The following CMC2 variants were observed in gnomAD, a reference collection of about 807,000 sequenced individuals.
The protein encoded by CMC2 is C-X9-C motif containing 2.
A neutral mutation model predicts 7.5 loss-of-function variants in CMC2; 5 were observed. The ratio of observed to expected loss-of-function variants is 0.66; its 90% confidence interval spans 0.35 to 1.40. The LOEUF is 1.40. CMC2 is among the 40% of genes most tolerant of loss of function. The pLI is 0.04. For synonymous variants in CMC2, 37 were observed against 31.4 expected (o/e 1.18, Z -0.60); for missense variants, 115 against 92.3 (o/e 1.25, Z -1.01).
intron 2 of CMC2, among the ~76,000 whole-genome samples, chr16:80,987,778 G>A (rs1470622486): frequency 6.6e-6 from 1 of 152,146 alleles, no homozygotes; most frequent in Non-Finnish European, 1.5e-5. Context: ...ACAGACAGGG[G>A]TATTCAGGAA....
Position 80,969,090 on chromosome 16 carries a change from G to A in CMC2, c.*7003C>T, listed in dbSNP as rs1911745027. 1.3e-5 allele frequency: 2 copies of A among 152,202 alleles called. No homozygotes were observed. The highest frequency in any genetic ancestry group is 4.8e-5 in the African/African-American group (2 of 41,452). 9.4% of individuals were successfully genotyped at this position (152,202 alleles called of 1,614,324 possible). A position where few individuals can be genotyped will look rare whatever the true frequency, so the allele number is the denominator to read the frequency against. On this transcript the variant is annotated 3_prime_UTR_variant, in exon 4 of 4. Coordinates refer to ENST00000219400, the MANE Select transcript of CMC2 (RefSeq NM_020188.5). ...ATTGGTAAGTTAAGTGTGTGTGTCA[G>A]AAAGTTACTGGTGGGAAATTCTGGA...
intron 1 of CMC2, among the ~76,000 whole-genome samples, chr16:80,999,731 A>G (rs935250932): frequency 1.3e-5 from 2 of 152,376 alleles, no homozygotes; most frequent in African/African-American, 4.8e-5. Flanking sequence ...CCAATGGAAC[A>G]TAACAGCCCA....
intron 2 of CMC2, among the ~76,000 whole-genome samples, chr16:80,984,665 A>G (rs1055678944): frequency 6.6e-6 from 1 of 152,218 alleles, no homozygotes; most frequent in Non-Finnish European, 1.5e-5. Flanking sequence ...TTGACAACAA[A>G]TAAACATGAC....
chr16:80,978,500 A>C, intron 3 of CMC2: 1 of 590,206 alleles, frequency 1.7e-6, no homozygotes, highest in South Asian at 1.7e-5. Flanking sequence ...AGGCCAATTA[A>C]CCCCAAACCA....
At chr16:80,982,547 C>G (rs1430432640) in intron 2 of CMC2, 2 of 130,848 alleles carry the variant, frequency 1.5e-5, no homozygotes, top group Non-Finnish European at 3.2e-5. Context: ...AAAGTGAATA[C>G]TAGTCTATTT....
rs111669239 is a variant in CMC2 at position 80,967,095 on chromosome 16, G to C, written c.*8998C>G. The C allele has an allele frequency of 3.4e-4, 52 of 152,236 alleles. No homozygotes were observed. The highest frequency in any genetic ancestry group is 1.1e-3 in the African/African-American group (47 of 41,548). 9.4% of individuals were successfully genotyped at this position (152,236 alleles called of 1,614,324 possible). Reference sequence around the variant, plus strand: ...AAAGCATTTATTGAATACCAATTATGTGTTAACCACTGTCCTAAGAGCTGC... The same window carrying C: ...AAAGCATTTATTGAATACCAATTATCTGTTAACCACTGTCCTAAGAGCTGC... On this transcript the variant is annotated 3_prime_UTR_variant, in exon 4 of 4. Transcript: ENST00000219400.
intron 3 of CMC2, among the ~76,000 whole-genome samples, chr16:80,977,529 G>C (rs1468126099): frequency 6.6e-6 from 1 of 152,116 alleles, no homozygotes; most frequent in Non-Finnish European, 1.5e-5. Flanking sequence ...CAGATCTGGA[G>C]AGCGAGGCCA....
Position 80,970,553 on chromosome 16 carries a change from CTATT to C in CMC2, c.*5536_*5539del, listed in dbSNP as rs1271189024. ...CAGTCACAAGAGAAGTCTGATGTAT[CTATT>C]AAACATTATACTGAATGTTCTAAGT... On this transcript the variant is annotated 3_prime_UTR_variant, in exon 4 of 4. Transcript: ENST00000219400. 5.3e-5 allele frequency: 8 copies of C among 152,156 alleles called. No homozygotes were observed. Among genetic ancestry groups the C allele is most frequent in the African/African-American group, 1.7e-4 (7 of 41,438 alleles). 9.4% of individuals were successfully genotyped at this position (152,156 alleles called of 1,614,324 possible).
intron 2 of CMC2, among the ~76,000 whole-genome samples, chr16:80,990,215 G>A (rs529090035): frequency 6.6e-6 from 1 of 152,068 alleles, no homozygotes; most frequent in South Asian, 2.1e-4. Flanking sequence ...CTGTCACCCA[G>A]GCTAGCGTCC....
intron 2 of CMC2, among the ~76,000 whole-genome samples, chr16:80,986,353 A>C (rs1460379939): frequency 6.6e-6 from 1 of 152,134 alleles, no homozygotes; most frequent in African/African-American, 2.4e-5. Context: ...CTGCCTCAAA[A>C]CTAACTAAAT....
chr16:80,993,999 A>G (rs915695036), intron 2 of CMC2, among the ~76,000 whole-genome samples: 5 of 152,226 alleles, frequency 3.3e-5, no homozygotes, highest in African/African-American at 1.2e-4. Flanking sequence ...AAGAAGAGAC[A>G]TATAAATCAG....
rs369628329 is a variant in CMC2, at chr16:80,985,734, C to G, written c.82-3857G>C. ...AACAGAGTGACTGCACCAGGAGAAT[C>G]TAGGCCAGGAAAGGGAAAAGGAAAC... On this transcript the variant is annotated intron_variant, in intron 2 of 3. Coordinates refer to ENST00000219400, the MANE Select transcript of CMC2 (RefSeq NM_020188.5). Among the ~76,000 whole-genome samples the G allele has an allele frequency of 2.0e-5, 3 of 151,996 alleles. No homozygotes were observed. The East Asian group carries it at 5.8e-4, about 29-fold the overall frequency.
intron 3 of CMC2, chr16:80,980,710 T>C: frequency 1.6e-6 from 1 of 614,988 alleles, no homozygotes; most frequent in Non-Finnish European, 2.9e-6. Context: ...GCCAAAACAG[T>C]GAGACTCTCA....
intron 1 of CMC2, among the ~76,000 whole-genome samples, chr16:80,999,354 C>T (rs1968676022): frequency 6.6e-6 from 1 of 152,110 alleles, no homozygotes; most frequent in Non-Finnish European, 1.5e-5. Context: ...ATACATCCAA[C>T]CAAGGAGGTA....
At position 80,970,238 on chromosome 16, in the gene CMC2, T is replaced by C. The variant is rs1223667464; in HGVS notation, c.*5855A>G. 6.6e-6 allele frequency: 1 copy of C among 152,228 alleles called. No individual in the cohort carries two copies. Among genetic ancestry groups the C allele is most frequent in the South Asian group, 2.1e-4 (1 of 4,834 alleles). 9.4% of individuals were successfully genotyped at this position (152,228 alleles called of 1,614,324 possible). A position where few individuals can be genotyped will look rare whatever the true frequency, so the allele number is the denominator to read the frequency against. On this transcript the variant is annotated 3_prime_UTR_variant, in exon 4 of 4. Coordinates refer to ENST00000219400, the MANE Select transcript of CMC2 (RefSeq NM_020188.5). ...GCTCTGATCCATACCAGAAAATGGA[T>C]GCTTCATGGACCGTCTCTCTCTCAA...
intron 3 of CMC2, 133 bp from the exon 4 acceptor site, chr16:80,976,312 G>C: frequency 1.7e-6 from 1 of 574,816 alleles, no homozygotes; most frequent in Non-Finnish European, 3.1e-6. Flanking sequence ...TTTTAAACAT[G>C]TTCTTACTGA....
chr16:80,993,089 A>G (rs1341061951), intron 2 of CMC2, among the ~76,000 whole-genome samples: 1 of 152,134 alleles, frequency 6.6e-6, no homozygotes, highest in Non-Finnish European at 1.5e-5. Flanking sequence ...TAGTTGATTC[A>G]TATGTATGGT....
chr16:80,979,660 A>C (rs994591130), intron 3 of CMC2, among the ~76,000 whole-genome samples: 19 of 151,944 alleles, frequency 1.3e-4, no homozygotes, highest in African/African-American at 4.6e-4. Flanking sequence ...TCACTCTGTC[A>C]CCCAGGCTAG....
rs187680249 is a variant in CMC2 at position 80,997,823 on chromosome 16, T to C, written c.-35-394A>G. The C allele has an allele frequency of 9.7e-5, 15 of 154,846 alleles. No homozygotes were observed. The South Asian group carries it at 2.5e-3, about 26-fold the overall frequency. 9.6% of individuals were successfully genotyped at this position (154,846 alleles called of 1,614,324 possible). A position where few individuals can be genotyped will look rare whatever the true frequency, so the allele number is the denominator to read the frequency against. ...CAATTAAGAGAATTGGCTTATTATTTTAAAATGTATATTATTCTGAGGGTT... is the reference window on the plus strand; with the variant it reads ...CAATTAAGAGAATTGGCTTATTATTCTAAAATGTATATTATTCTGAGGGTT... On this transcript the variant is annotated intron_variant, in intron 1 of 3. Coordinates refer to ENST00000219400, the MANE Select transcript of CMC2 (RefSeq NM_020188.5).
Sources: allele counts gnomAD v4.1 joint callset (sites outside exome capture counted in the v4.1 genomes callset), GRCh38; gene constraint gnomAD v4.1.1; transcripts MANE v1.5; gene names NCBI Gene and HGNC (gene_info 2026-07-23, HGNC 2026-07-21).